FAM78B: variants seen among roughly 807,000 people sequenced by gnomAD.
The protein encoded by FAM78B is protein FAM78B.
FAM78B carries 10 observed loss-of-function variants against 20.0 expected under a neutral mutation model. The observed-to-expected ratio is 0.50, with a 90% CI of 0.31 to 0.85. The LOEUF is 0.85. Ranked by LOEUF, FAM78B falls within the 40% of genes least tolerant of loss-of-function variation. The pLI, the probability that FAM78B is intolerant of heterozygous loss-of-function variation, is 0.05. For synonymous variants in FAM78B, 135 were observed against 132.8 expected (o/e 1.02, Z -0.12); for missense variants, 283 against 345.0 (o/e 0.82, Z 1.42).
chr1:166,081,339 T>C (rs944347622), intron 1 of FAM78B: 7 of 152,168 alleles, frequency 4.6e-5, no homozygotes, highest in African/African-American at 1.7e-4. Context: ...GCCCTCTAAG[T>C]AAGTTGCCCC....
chr1:166,057,399 T>C (rs1341386407), downstream of FAM78B: 1 of 152,224 alleles, frequency 6.6e-6, no homozygotes, highest in Non-Finnish European at 1.5e-5. Flanking sequence ...ACTGCATCTT[T>C]GAGGACAAAA....
At chr1:166,164,757 C>T (rs1656292983) in intron 1 of FAM78B, 1 of 152,206 alleles carries the variant, frequency 6.6e-6, no homozygotes, top group African/African-American at 2.4e-5. Context: ...AATGGGAACT[C>T]CCCCACCCCA....
chr1:166,163,203 G>C (rs1335167144), intron 1 of FAM78B, among the ~76,000 whole-genome samples: 1 of 152,172 alleles, frequency 6.6e-6, no homozygotes, highest in Non-Finnish European at 1.5e-5. Flanking sequence ...TCTGTTCAAG[G>C]CTGCACTAGC....
chr1:166,154,883 A>G (rs1250344228), intron 1 of FAM78B: 3 of 468,442 alleles, frequency 6.4e-6, no homozygotes, highest in African/African-American at 6.0e-5. Flanking sequence ...CCATCCTAAC[A>G]CCCTGTAAGT....
At chr1:166,117,790 A>G (rs757943853) in intron 1 of FAM78B, among the ~76,000 whole-genome samples, 1 of 152,198 alleles carries the variant, frequency 6.6e-6, no homozygotes, top group Non-Finnish European at 1.5e-5. Context: ...TGGACACAGC[A>G]GGGCTTCTGG....
intron 1 of FAM78B, among the ~76,000 whole-genome samples, chr1:166,103,486 A>G (rs1279364490): frequency 6.6e-6 from 1 of 152,176 alleles, no homozygotes; most frequent in Non-Finnish European, 1.5e-5. Flanking sequence ...AGAGAGGAGA[A>G]TCAAATAGAC....
intron 1 of FAM78B, among the ~76,000 whole-genome samples, chr1:166,111,091 G>A (rs548767039): frequency 3.3e-5 from 5 of 152,264 alleles, no homozygotes; most frequent in South Asian, 4.1e-4. Context: ...ATAAGCTGAC[G>A]GGGCCACTGT....
At chr1:166,073,680 G>A (rs914806406) in intron 1 of FAM78B, among the ~76,000 whole-genome samples, 7 of 152,082 alleles carry the variant, frequency 4.6e-5, no homozygotes, top group African/African-American at 1.7e-4. Flanking sequence ...GTCACTCAAT[G>A]ACCATTTAAG....
At chr1:166,058,779 T>A (rs1307626128) in exon 3 of FAM78B, 1 of 152,496 alleles carries the variant, frequency 6.6e-6, no homozygotes, top group African/African-American at 2.4e-5. Flanking sequence ...CACACACACA[T>A]TTACTCATAC....
chr1:166,114,656 TAGGGAGG>T (rs1654190621), intron 1 of FAM78B, among the ~76,000 whole-genome samples: 1 of 151,996 alleles, frequency 6.6e-6, no homozygotes, highest in Non-Finnish European at 1.5e-5. Context: ...ATAGTGGGAG[TAGGGAGG>T]AGGTGGCCTT....
chr1:166,145,656 G>C (rs1655427334), intron 1 of FAM78B, among the ~76,000 whole-genome samples: 2 of 152,152 alleles, frequency 1.3e-5, no homozygotes, highest in African/African-American at 4.8e-5. Context: ...ATCTAGTCTT[G>C]GATCTGTAAC....
chr1:166,071,496 C>CT (rs1347848275), intron 1 of FAM78B, among the ~76,000 whole-genome samples: 1 of 152,224 alleles, frequency 6.6e-6, no homozygotes, highest in African/African-American at 2.4e-5. Context: ...CTACCTACTC[C>CT]TCCTGGCTGT....
intron 1 of FAM78B, among the ~76,000 whole-genome samples, chr1:166,128,702 G>A (rs998591533): frequency 6.6e-6 from 1 of 152,204 alleles, no homozygotes; most frequent in Non-Finnish European, 1.5e-5. Flanking sequence ...TTCCCACTGG[G>A]AGAGAACATG....
chr1:166,144,497 T>C (rs1429421574), intron 1 of FAM78B, among the ~76,000 whole-genome samples: 1 of 152,190 alleles, frequency 6.6e-6, no homozygotes, highest in Non-Finnish European at 1.5e-5. Flanking sequence ...AGCTCAACTC[T>C]GATCTGTCTC....
At chr1:166,064,633 G>A (rs948213659), downstream of FAM78B, among the ~76,000 whole-genome samples, 2 of 152,146 alleles carry the variant, frequency 1.3e-5, no homozygotes, top group African/African-American at 4.8e-5. Flanking sequence ...CCCACTCTCC[G>A]CAGGGGCCAG....
At chr1:166,132,458 T>C (rs1174306858) in intron 1 of FAM78B, among the ~76,000 whole-genome samples, 1 of 152,268 alleles carries the variant, frequency 6.6e-6, no homozygotes, top group East Asian at 1.9e-4. Flanking sequence ...ATTGGGTAAT[T>C]GTTGAGGATT....
intron 1 of FAM78B, among the ~76,000 whole-genome samples, chr1:166,108,607 T>C (rs565631785): frequency 6.6e-6 from 1 of 152,182 alleles, no homozygotes; most frequent in African/African-American, 2.4e-5. Flanking sequence ...ACAAATTCAA[T>C]GCAATTCCCA....
chr1:166,150,171 C>A (rs929504242), intron 1 of FAM78B, among the ~76,000 whole-genome samples: 29 of 143,108 alleles, frequency 2.0e-4, no homozygotes, highest in Admixed American at 2.0e-3. Flanking sequence ...CAGCAGTATA[C>A]CCCAGGTGGT....
intron 2 of FAM78B, among the ~76,000 whole-genome samples, chr1:166,062,860 A>G (rs1051325967): frequency 6.6e-6 from 1 of 152,218 alleles, no homozygotes; most frequent in Non-Finnish European, 1.5e-5. Context: ...TCTGTGTGGA[A>G]TATTCTAATT....
Sources: allele counts gnomAD v4.1 joint callset (sites outside exome capture counted in the v4.1 genomes callset), GRCh38; gene constraint gnomAD v4.1.1; transcripts MANE v1.5; gene names NCBI Gene and HGNC (gene_info 2026-07-23, HGNC 2026-07-21).